The following PLEKHA3 variants were observed in gnomAD, a reference collection of about 807,000 sequenced individuals.
PLEKHA3 encodes the protein pleckstrin homology domain-containing family A member 3.
In PLEKHA3, 19 loss-of-function variants were observed where a neutral mutation model predicts 39.2. That is an observed-to-expected ratio of 0.48 (90% CI 0.34 to 0.71). The LOEUF (loss-of-function observed/expected upper bound fraction) is 0.71, where lower values mean the gene tolerates loss of function less well. PLEKHA3 is among the 30% of genes least tolerant of loss of function. The pLI, the probability that PLEKHA3 is intolerant of heterozygous loss-of-function variation, is 0.01. For missense variants in PLEKHA3, 253 were observed against 359.5 expected, an observed-to-expected ratio of 0.70 and a Z score of 2.40; for synonymous variants, 97 against 118.6, an observed-to-expected ratio of 0.82 and a Z score of 1.18.
Position 178,510,770 on chromosome 2 carries a change from T to A in PLEKHA3, c.*6883T>A. 1 of 152,864 alleles carries A rather than the reference T, an allele frequency of 6.5e-6. No homozygotes were observed. 9.5% of individuals were successfully genotyped at this position (152,864 alleles called of 1,614,324 possible). A position where few individuals can be genotyped will look rare whatever the true frequency, so the allele number is the denominator to read the frequency against. The stretch of plus-strand genomic sequence containing the variant: ...AATTCCCATCACTGTATCCATAACC[T>A]CTTGTAAATAGTTGTACACCTTTCA... On this transcript the variant is annotated 3_prime_UTR_variant, in exon 8 of 8. Transcript: ENST00000234453.
Position 178,505,953 on chromosome 2 carries a change from G to A in PLEKHA3, c.*2066G>A, listed in dbSNP as rs1558932194. The A allele has an allele frequency of 6.6e-6, 1 of 151,862 alleles. No individual in the cohort carries two copies. The highest frequency in any genetic ancestry group is 2.4e-5 in the African/African-American group (1 of 41,372). The allele number at this position is 151,862 out of a possible 1,614,324, so 9.4% of individuals were successfully genotyped here. On this transcript the variant is annotated 3_prime_UTR_variant, in exon 8 of 8. Coordinates refer to ENST00000234453, the MANE Select transcript of PLEKHA3 (RefSeq NM_019091.4). ...ATCTGTGAAATCATTTTTTTTGTGG[G>A]AGTATAAATATATCTTGAATTATAT...
At chr2:178,498,699 G>C (rs1364020949) in intron 5 of PLEKHA3, among the ~76,000 whole-genome samples, 2 of 151,822 alleles carry the variant, frequency 1.3e-5, no homozygotes, top group Non-Finnish European at 2.9e-5. Context: ...TTAAAGTCTT[G>C]AATTATTAAT....
At chr2:178,488,974 A>G (rs1221215457) in intron 2 of PLEKHA3, 13 of 460,000 alleles carry the variant, frequency 2.8e-5, no homozygotes, top group Admixed American at 2.3e-4. Context: ...TCAGGTGACA[A>G]CTTTGGAGGG....
rs1236082317 is a variant in PLEKHA3 at position 178,512,796 on chromosome 2, A to T, written c.*8909A>T. ...TCTGGACTTAAAATTCTGAGAGAAC[A>T]GGGTATTTCCCACCCTTCCTCTTAC... On this transcript the variant is annotated 3_prime_UTR_variant, in exon 8 of 8. Coordinates refer to ENST00000234453, the MANE Select transcript of PLEKHA3 (RefSeq NM_019091.4). The T allele has an allele frequency of 6.5e-6, 1 of 153,804 alleles. No individual in the cohort carries two copies. The highest frequency in any genetic ancestry group is 1.5e-5 in the Non-Finnish European group (1 of 68,038). 9.5% of individuals were successfully genotyped at this position (153,804 alleles called of 1,614,324 possible).
intron 6 of PLEKHA3, among the ~76,000 whole-genome samples, chr2:178,500,186 AC>A (rs1361924294): frequency 2.0e-5 from 3 of 152,076 alleles, no homozygotes; most frequent in African/African-American, 4.8e-5. Flanking sequence ...AATTATAGTG[AC>A]ATTGGCATTT....
At chr2:178,487,200 G>C (rs1424525610) in intron 2 of PLEKHA3, among the ~76,000 whole-genome samples, 3 of 152,146 alleles carry the variant, frequency 2.0e-5, no homozygotes, top group Admixed American at 6.5e-5. Context: ...CTGAGGCCAG[G>C]GTGATCAGAC....
rs376580085 is a variant in PLEKHA3 at position 178,512,751 on chromosome 2, C to A, written c.*8864C>A. Reference sequence around the variant, plus strand: ...AACTTTTCAGTCCCGCTCAGTGCTGCCATCTTTTTCTCCCAGCACTCTGGA... The same window carrying A: ...AACTTTTCAGTCCCGCTCAGTGCTGACATCTTTTTCTCCCAGCACTCTGGA... On this transcript the variant is annotated 3_prime_UTR_variant, in exon 8 of 8. Transcript: ENST00000234453. 100 of 153,864 alleles carry A rather than the reference C, an allele frequency of 6.5e-4. No homozygotes were observed. The highest frequency in any genetic ancestry group is 1.2e-3 in the Non-Finnish European group (80 of 68,044). 9.5% of individuals were successfully genotyped at this position (153,864 alleles called of 1,614,324 possible). A position where few individuals can be genotyped will look rare whatever the true frequency, so the allele number is the denominator to read the frequency against.
At position 178,506,843 on chromosome 2, in the gene PLEKHA3, C is replaced by CGGGTAAATGAATGGT. The variant is rs1685606593; in HGVS notation, c.*2957_*2971dup. 7.9e-5 allele frequency: 12 copies of CGGGTAAATGAATGGT among 152,170 alleles called. No individual in the cohort carries two copies. The highest frequency in any genetic ancestry group is 6.5e-4 in the Admixed American group (10 of 15,280). 9.4% of individuals were successfully genotyped at this position (152,170 alleles called of 1,614,324 possible). On this transcript the variant is annotated 3_prime_UTR_variant, in exon 8 of 8. Transcript: ENST00000234453. ...GAGGTCTGTCTTTTAATAACCCTGG[C>CGGGTAAATGAATGGT]GGGTAAATGAATGGTAGGTAGCTGG...
In PLEKHA3 at chr2:178,494,140, A is replaced by G. The variant is rs79804079; in HGVS notation, c.450+151A>G. 2.7e-3 allele frequency: 2,173 copies of G among 794,874 alleles called. 42 individuals carry two copies. The African/African-American group carries it at 0.034, about 13-fold the overall frequency. 49.2% of individuals were successfully genotyped at this position (794,874 alleles called of 1,614,324 possible). A position where few individuals can be genotyped will look rare whatever the true frequency, so the allele number is the denominator to read the frequency against. ...TACTGTATACTATCTGGAAATCTGT[A>G]GCATCTTCTCGATTGTGTCTGTGTG... On this transcript the variant is annotated intron_variant, in intron 4 of 7. Coordinates refer to ENST00000234453, the MANE Select transcript of PLEKHA3 (RefSeq NM_019091.4).
chr2:178,508,597 G>A lies in PLEKHA3; in HGVS notation c.*4710G>A, dbSNP rs1405075591. On this transcript the variant is annotated 3_prime_UTR_variant, in exon 8 of 8. Coordinates refer to ENST00000234453, the MANE Select transcript of PLEKHA3 (RefSeq NM_019091.4). ...TATAAGTTGTCTAAAGGGCCATCAGGTAGAGTTGGCCTTTTCTGTTGAGGT... is the reference window on the plus strand; with the variant it reads ...TATAAGTTGTCTAAAGGGCCATCAGATAGAGTTGGCCTTTTCTGTTGAGGT... 1 of 153,716 alleles carries A rather than the reference G, an allele frequency of 6.5e-6. No individual in the cohort carries two copies. Among genetic ancestry groups the A allele is most frequent in the Non-Finnish European group, 1.5e-5 (1 of 68,032 alleles). 9.5% of individuals were successfully genotyped at this position (153,716 alleles called of 1,614,324 possible).
Position 178,505,417 on chromosome 2 carries a change from AAC to A in PLEKHA3, c.*1536_*1537del. ...ACTTGAAGTGTTTGTAATTTTAAAT[AAC>A]ACACAGGTCATCAGACTACTCTATA... On this transcript the variant is annotated 3_prime_UTR_variant, in exon 8 of 8. Coordinates refer to ENST00000234453, the MANE Select transcript of PLEKHA3 (RefSeq NM_019091.4). The A allele has an allele frequency of 6.6e-6, 1 of 152,118 alleles. No homozygotes were observed. The highest frequency in any genetic ancestry group is 1.9e-4 in the East Asian group (1 of 5,182). The allele number at this position is 152,118 out of a possible 1,614,324, so 9.4% of individuals were successfully genotyped here.
rs989972340 is a variant in PLEKHA3, at chr2:178,493,914, C to T, written c.375C>T (p.Asp125=). 1 of 1,614,016 alleles carries T rather than the reference C, an allele frequency of 6.2e-7. No homozygotes were observed. The highest frequency in any genetic ancestry group is 1.3e-5 in the African/African-American group (1 of 75,038). ...TKMSELRLYC[D]LLMQQVHTIQ... is the part of the protein sequence containing the mutation. Reference sequence around the variant, plus strand: ...TGTCTGAACTTCGCCTCTACTGTGACCTCTTAATGCAGCAAGTTCATACAA... The same window carrying T: ...TGTCTGAACTTCGCCTCTACTGTGATCTCTTAATGCAGCAAGTTCATACAA... Residue 125 remains aspartate, a synonymous_variant, in exon 4 of 8, where the codon GAC becomes GAT. Coordinates refer to ENST00000234453, the MANE Select transcript of PLEKHA3 (RefSeq NM_019091.4).
chr2:178,490,603 T>A, intron 2 of PLEKHA3, 56 bp from the exon 3 acceptor site: 1 of 1,515,492 alleles, frequency 6.6e-7, no homozygotes, highest in Non-Finnish European at 9.1e-7. Context: ...GATTATTTGA[T>A]TACCCTTAAA....
chr2:178,487,130 A>G (rs369369603), intron 2 of PLEKHA3, among the ~76,000 whole-genome samples: 3 of 152,106 alleles, frequency 2.0e-5, no homozygotes, highest in Non-Finnish European at 4.4e-5. Flanking sequence ...GAAAGTTACT[A>G]AAAGGTAAGT....
chr2:178,499,484 C>T (rs547710836), intron 6 of PLEKHA3, among the ~76,000 whole-genome samples: 1 of 152,184 alleles, frequency 6.6e-6, no homozygotes, highest in South Asian at 2.1e-4. Flanking sequence ...AAGGTAAGCA[C>T]GTTGCCAGCC....
chr2:178,503,046 G>A (rs1266155030), intron 7 of PLEKHA3, among the ~76,000 whole-genome samples: 1 of 151,988 alleles, frequency 6.6e-6, no homozygotes, highest in Non-Finnish European at 1.5e-5. Context: ...CTTGTGAGAT[G>A]CAACTGCTTC....
At chr2:178,503,678 C>A in intron 7 of PLEKHA3, 82 bp from the exon 8 acceptor site, 1 of 1,426,364 alleles carries the variant, frequency 7.0e-7, no homozygotes, top group South Asian at 1.3e-5. Context: ...TGTCCCTGAA[C>A]AGGAAATTTA....
chr2:178,501,862 C>T (rs984570648), intron 7 of PLEKHA3, among the ~76,000 whole-genome samples: 7 of 151,922 alleles, frequency 4.6e-5, no homozygotes, highest in East Asian at 1.9e-4. Context: ...TCTACTATTT[C>T]TCAGGAAGCA....
chr2:178,485,460 A>G (rs1685234068), intron 1 of PLEKHA3, among the ~76,000 whole-genome samples, 181 bp from the exon 2 acceptor site: 1 of 152,194 alleles, frequency 6.6e-6, no homozygotes. Context: ...AACCTCTCCC[A>G]ATAAAGTGGA....
Sources: allele counts gnomAD v4.1 joint callset (sites outside exome capture counted in the v4.1 genomes callset), GRCh38; gene constraint gnomAD v4.1.1; transcripts MANE v1.5; gene names NCBI Gene and HGNC (gene_info 2026-07-23, HGNC 2026-07-21).